Variants in NELL1 observed in about 807,000 individuals in gnomAD.
The protein encoded by NELL1 is protein kinase C-binding protein NELL1.
NELL1 carries 76 observed loss-of-function variants against 107.4 expected under a neutral mutation model. That is an observed-to-expected ratio of 0.71 (90% CI 0.59 to 0.86). NELL1 has a LOEUF of 0.86. Among genes scored for constraint, NELL1 ranks in the 40% least tolerant of loss-of-function variants. The probability of loss-of-function intolerance (pLI) is 0.00; values close to 1 mark genes in which losing one functional copy is unlikely to be tolerated. For missense variants in NELL1, 1,024 were observed against 1,005.5 expected, an observed-to-expected ratio of 1.02 and a Z score of -0.25; for synonymous variants, 353 against 341.2, an observed-to-expected ratio of 1.03 and a Z score of -0.38.
chr11:21,092,100 A>G (rs1008569360), intron 12 of NELL1, among the ~76,000 whole-genome samples: 2 of 152,216 alleles, frequency 1.3e-5, no homozygotes, highest in Non-Finnish European at 2.9e-5. Context: ...TTTTTAAAAC[A>G]CATAATATCT....
chr11:20,725,851 T>A (rs749718194), intron 2 of NELL1, among the ~76,000 whole-genome samples: 32 of 152,224 alleles, frequency 2.1e-4, no homozygotes, highest in Non-Finnish European at 1.0e-4. Flanking sequence ...GATCCCATCA[T>A]CCAAGTAGTG....
At chr11:21,039,452 C>T (rs1190574486) in intron 12 of NELL1, among the ~76,000 whole-genome samples, 2 of 152,258 alleles carry the variant, frequency 1.3e-5, no homozygotes, top group East Asian at 1.9e-4. Flanking sequence ...TCCCAAAGTG[C>T]TGGGATTACA....
At chr11:20,859,918 A>G (rs1419982414) in intron 4 of NELL1, among the ~76,000 whole-genome samples, 1 of 152,128 alleles carries the variant, frequency 6.6e-6, no homozygotes, top group Non-Finnish European at 1.5e-5. Context: ...CCTATTCCCT[A>G]CCCACTCCAA....
At chr11:20,982,525 G>T (rs1004450683) in intron 12 of NELL1, among the ~76,000 whole-genome samples, 3 of 152,172 alleles carry the variant, frequency 2.0e-5, no homozygotes, top group Admixed American at 2.0e-4. Flanking sequence ...TGCCTCACCT[G>T]TTCAATGGTA....
chr11:20,734,801 G>A (rs1358993872), intron 2 of NELL1, among the ~76,000 whole-genome samples: 1 of 152,154 alleles, frequency 6.6e-6, no homozygotes, highest in Non-Finnish European at 1.5e-5. Context: ...TGAGGCCAAG[G>A]TGGTGATAAG....
intron 15 of NELL1, among the ~76,000 whole-genome samples, chr11:21,518,133 A>G (rs1407737021): frequency 3.0e-5 from 2 of 65,748 alleles, no homozygotes; most frequent in African/African-American, 7.5e-5. Flanking sequence ...TCCCCAACTC[A>G]CTGAAGAAAA....
chr11:20,877,986 T>C (rs1193981120), intron 4 of NELL1, among the ~76,000 whole-genome samples: 1 of 152,200 alleles, frequency 6.6e-6, no homozygotes, highest in African/African-American at 2.4e-5. Context: ...TGTTTGCATC[T>C]GATAGCCTAT....
intron 3 of NELL1, among the ~76,000 whole-genome samples, chr11:20,807,657 G>A (rs892212504): frequency 5.3e-5 from 8 of 152,198 alleles, no homozygotes; most frequent in African/African-American, 1.9e-4. Flanking sequence ...TGGGCCCTGG[G>A]TGGGTCCAGA....
chr11:20,914,825 T>A (rs748880386), intron 5 of NELL1, among the ~76,000 whole-genome samples: 3 of 151,992 alleles, frequency 2.0e-5, no homozygotes, highest in Non-Finnish European at 4.4e-5. Flanking sequence ...GACCAGGTAA[T>A]CTGGTCCTAG....
intron 12 of NELL1, among the ~76,000 whole-genome samples, chr11:21,075,440 G>A (rs1854112250): frequency 1.3e-5 from 2 of 151,656 alleles, no homozygotes; most frequent in South Asian, 2.1e-4. Flanking sequence ...GTAACCATGA[G>A]TGGTTCATTC....
At chr11:20,960,314 A>G in intron 11 of NELL1, 118 bp from the exon 12 acceptor site, 1 of 1,066,774 alleles carries the variant, frequency 9.4e-7, no homozygotes, top group Non-Finnish European at 1.3e-6. Flanking sequence ...ATCCGTGCAT[A>G]CTGCCAAAGT....
At chr11:20,731,559 A>C (rs780018695) in intron 2 of NELL1, among the ~76,000 whole-genome samples, 16 of 152,246 alleles carry the variant, frequency 1.1e-4, no homozygotes, top group Non-Finnish European at 1.6e-4. Context: ...ATGTGTCTGC[A>C]TGGGCATGAG....
At chr11:21,485,452 C>T (rs887912556) in intron 15 of NELL1, among the ~76,000 whole-genome samples, 2 of 150,986 alleles carry the variant, frequency 1.3e-5, no homozygotes, top group Admixed American at 6.6e-5. Flanking sequence ...AAGTTCACAG[C>T]CCTTAGAGGA....
intron 13 of NELL1, among the ~76,000 whole-genome samples, chr11:21,178,228 G>A (rs1277406844): frequency 6.6e-6 from 1 of 151,544 alleles, no homozygotes; most frequent in African/African-American, 2.4e-5. Context: ...TTTCCACAAT[G>A]TTTCTGTTTT....
chr11:20,964,737 T>C (rs1273941115), intron 12 of NELL1, among the ~76,000 whole-genome samples: 3 of 152,186 alleles, frequency 2.0e-5, no homozygotes, highest in Non-Finnish European at 4.4e-5. Flanking sequence ...TTTTGGCTAA[T>C]GAAATGTGAG....
At chr11:21,121,886 T>C (rs1855375963) in intron 13 of NELL1, among the ~76,000 whole-genome samples, 1 of 152,192 alleles carries the variant, frequency 6.6e-6, no homozygotes, top group South Asian at 2.1e-4. Context: ...TATGTAGTAC[T>C]GGAAAAGCCA....
intron 12 of NELL1, among the ~76,000 whole-genome samples, chr11:21,042,535 G>A (rs1407597114): frequency 2.0e-5 from 3 of 152,184 alleles, no homozygotes; most frequent in African/African-American, 2.4e-5. Context: ...AGTCCAAACA[G>A]CACATCACCT....
At chr11:21,219,199 T>G (rs1857691447) in intron 13 of NELL1, among the ~76,000 whole-genome samples, 1 of 152,196 alleles carries the variant, frequency 6.6e-6, no homozygotes. Flanking sequence ...AATATCTCAC[T>G]GTACTTTTGA....
intron 13 of NELL1, among the ~76,000 whole-genome samples, chr11:21,219,375 G>C (rs1857695431): frequency 6.6e-6 from 1 of 152,026 alleles, no homozygotes; most frequent in Non-Finnish European, 1.5e-5. Flanking sequence ...GTATATTCTG[G>C]ATATTAATCC....
Sources: allele counts gnomAD v4.1 joint callset (sites outside exome capture counted in the v4.1 genomes callset), GRCh38; gene constraint gnomAD v4.1.1; transcripts MANE v1.5; gene names NCBI Gene and HGNC (gene_info 2026-07-23, HGNC 2026-07-21).